OSBP2: variants seen among roughly 807,000 people sequenced by gnomAD.
OSBP2 encodes the protein oxysterol binding protein 2.
A neutral mutation model predicts 96.0 loss-of-function variants in OSBP2; 66 were observed. The ratio of observed to expected loss-of-function variants is 0.69; its 90% CI spans 0.56 to 0.84. The LOEUF (loss-of-function observed/expected upper bound fraction) is 0.84. Ranked by LOEUF, OSBP2 falls within the 40% of genes least tolerant of loss-of-function variation. OSBP2 has a pLI of 0.00. For missense variants in OSBP2, 1,038 were observed against 1,222.7 expected, an observed-to-expected ratio of 0.85 and a Z score of 2.25; for synonymous variants, 525 against 520.9, an observed-to-expected ratio of 1.01 and a Z score of -0.11.
chr22:30,799,542 C>A (rs113515540), intron 2 of OSBP2, among the ~76,000 whole-genome samples: 2,038 of 152,352 alleles, frequency 0.013, 36 homozygotes, highest in African/African-American at 0.045. Context: ...AGACAAAGGG[C>A]AACTTGCCCT....
chr22:30,805,308 A>G (rs779267495), intron 2 of OSBP2, among the ~76,000 whole-genome samples: 18 of 152,378 alleles, frequency 1.2e-4, no homozygotes, highest in Non-Finnish European at 2.4e-4. Context: ...CTATTTGTCA[A>G]TAGAACACGT....
In OSBP2 at chr22:30,870,882, A is replaced by G. The variant is rs116759814; in HGVS notation, c.1107+200A>G. Reference sequence around the variant, plus strand: ...CACTCGGCCGTCGTTGGGCAAGGACATTCTTCCTAATTGTCTGGAGGAAAC... The same window carrying G: ...CACTCGGCCGTCGTTGGGCAAGGACGTTCTTCCTAATTGTCTGGAGGAAAC... On this transcript the variant is annotated intron_variant, in intron 3 of 13. Coordinates refer to ENST00000332585, the MANE Select transcript of OSBP2 (RefSeq NM_030758.4). This position sits in a 1 kb window ranked among gnomAD's most constrained non-coding sequence, Gnocchi z 4.1. 9.7e-3 allele frequency among the ~76,000 whole-genome samples: 1,476 copies of G among 152,278 alleles called. 27 individuals are homozygous for G. The highest frequency in any genetic ancestry group is 0.034 in the African/African-American group (1,420 of 41,544).
chr22:30,706,337 T>G (rs910558209), intron 1 of OSBP2, among the ~76,000 whole-genome samples: 1 of 152,074 alleles, frequency 6.6e-6, no homozygotes, highest in Admixed American at 6.6e-5. Context: ...CACGTTGCCT[T>G]ACTTTTTTTT....
chr22:30,703,183 A>T (rs5997736), intron 1 of OSBP2, among the ~76,000 whole-genome samples: 38,020 of 149,998 alleles, frequency 0.25, 5,392 homozygotes, highest in Non-Finnish European at 0.34. Flanking sequence ...TTTTTTTTTT[A>T]AATTTTTTGA....
rs1193472098 is a variant in OSBP2, at chr22:30,870,520, C to A, written c.945C>A (p.Asp315Glu). 6.2e-7 allele frequency: 1 copy of A among 1,614,116 alleles called. No individual in the cohort carries two copies. The highest frequency in any genetic ancestry group is 1.7e-5 in the Admixed American group (1 of 60,022). Reference sequence around the variant, plus strand: ...AGAATCTTTCCCTGAAGTTAGATGACCTCAGCACGTGCAATGACCTCATCG... The same window carrying A: ...AGAATCTTTCCCTGAAGTTAGATGAACTCAGCACGTGCAATGACCTCATCG... Reference protein sequence around the residue: ...TLKNLSLKLDDLSTCNDLIAK... With the variant: ...TLKNLSLKLDELSTCNDLIAK... Residue 315 changes from aspartate (D) to glutamate (E), a missense_variant, in exon 3 of 14, where the codon GAC (aspartate) becomes GAA (glutamate). Transcript: ENST00000332585. This position sits in a 1 kb window ranked among gnomAD's most constrained non-coding sequence, Gnocchi z 4.1.
At chr22:30,815,987 G>A (rs771923775) in intron 2 of OSBP2, among the ~76,000 whole-genome samples, 15 of 152,018 alleles carry the variant, frequency 9.9e-5, no homozygotes, top group Non-Finnish European at 1.8e-4. Flanking sequence ...CTGAGTTAAG[G>A]GCTGCAGCAG....
intron 12 of OSBP2, among the ~76,000 whole-genome samples, chr22:30,900,520 G>T (rs917540396): frequency 1.3e-5 from 2 of 151,924 alleles, no homozygotes; most frequent in Non-Finnish European, 1.5e-5. Context: ...GAGGAATAAA[G>T]GGCCAAGACA....
chr22:30,725,186 A>C lies in OSBP2; in HGVS notation c.645-15975A>C, dbSNP rs556326533. On this transcript the variant is annotated intron_variant, in intron 1 of 13. Transcript: ENST00000332585. ...GCAAGACTCTGTCTCAAAAACAAAA[A>C]AACAAAAAAACAAAAAAAAAACAAA... Among the ~76,000 whole-genome samples the C allele has an allele frequency of 1.1e-4, 10 of 94,964 alleles. No individual in the cohort carries two copies. In the South Asian group the frequency reaches 2.6e-3, roughly 25 times the overall value. The allele number at this position is 94,964 out of a possible 152,430, so 62.3% of individuals were successfully genotyped here.
At chr22:30,840,624 T>G (rs1192626263) in intron 2 of OSBP2, among the ~76,000 whole-genome samples, 1 of 152,166 alleles carries the variant, frequency 6.6e-6, no homozygotes, top group Non-Finnish European at 1.5e-5. Context: ...TAAGATGGGA[T>G]TGATAATAAG....
At chr22:30,742,214 C>T (rs939295579) in intron 2 of OSBP2, among the ~76,000 whole-genome samples, 2 of 151,522 alleles carry the variant, frequency 1.3e-5, no homozygotes, top group Admixed American at 1.3e-4. Context: ...AGGTGGATCA[C>T]GAGGTCAGGA....
At chr22:30,875,952 A>T (rs2039569902) in intron 3 of OSBP2, among the ~76,000 whole-genome samples, 1 of 152,244 alleles carries the variant, frequency 6.6e-6, no homozygotes, top group African/African-American at 2.4e-5. Context: ...TGTGCTCATC[A>T]GTGTGACCTG....
chr22:30,888,745 C>T (rs759919020), intron 5 of OSBP2, among the ~76,000 whole-genome samples: 5 of 152,030 alleles, frequency 3.3e-5, no homozygotes, highest in Non-Finnish European at 4.4e-5. Context: ...AATAATCTAT[C>T]GGTCTTGCTC....
intron 2 of OSBP2, among the ~76,000 whole-genome samples, chr22:30,821,415 GCT>G (rs1240846120): frequency 1.3e-5 from 2 of 152,206 alleles, no homozygotes; most frequent in African/African-American, 2.4e-5. Context: ...AGGGATCCTG[GCT>G]GTATTCTACG....
intron 2 of OSBP2, among the ~76,000 whole-genome samples, chr22:30,828,978 C>T (rs1187726548): frequency 6.6e-6 from 1 of 152,124 alleles, no homozygotes; most frequent in East Asian, 1.9e-4. Context: ...AGGAGACCCT[C>T]GTGGGCCAAG....
At chr22:30,834,991 T>C (rs2038603625) in intron 2 of OSBP2, among the ~76,000 whole-genome samples, 1 of 152,024 alleles carries the variant, frequency 6.6e-6, no homozygotes, top group Non-Finnish European at 1.5e-5. Context: ...AATTTTTGTA[T>C]TTTTAGTAGA....
intron 2 of OSBP2, among the ~76,000 whole-genome samples, chr22:30,756,233 C>G (rs527688680): frequency 1.0e-3 from 159 of 152,298 alleles, no homozygotes; most frequent in South Asian, 8.3e-4. Flanking sequence ...AGTTCTTCCT[C>G]TCTCTCCTGG....
At chr22:30,799,113 C>CT (rs2090813774) in intron 2 of OSBP2, among the ~76,000 whole-genome samples, 1 of 146,500 alleles carries the variant, frequency 6.8e-6, no homozygotes, top group Non-Finnish European at 1.5e-5. Context: ...TCCTTCCTTC[C>CT]TTTCTTTCTC....
chr22:30,899,634 G>A (rs898171141), intron 12 of OSBP2, among the ~76,000 whole-genome samples: 1 of 152,016 alleles, frequency 6.6e-6, no homozygotes, highest in Non-Finnish European at 1.5e-5. Context: ...TAAACTGTGA[G>A]GCCAGGATAA....
At chr22:30,699,002 C>T (rs933567200) in intron 1 of OSBP2, among the ~76,000 whole-genome samples, 1 of 152,076 alleles carries the variant, frequency 6.6e-6, no homozygotes, top group Non-Finnish European at 1.5e-5. Context: ...AGCACAGTGG[C>T]ACGATCTTGG....
Sources: allele counts gnomAD v4.1 joint callset (sites outside exome capture counted in the v4.1 genomes callset), GRCh38; gene constraint gnomAD v4.1.1; non-coding constraint Gnocchi (gnomAD v3.1); transcripts MANE v1.5; gene names NCBI Gene and HGNC (gene_info 2026-07-23, HGNC 2026-07-21).